Variants in CHL1 observed in about 807,000 individuals in gnomAD.
CHL1 encodes cell adhesion molecule L1 like.
CHL1 carries 96 observed loss-of-function variants against 141.9 expected under a neutral mutation model. That is an observed-to-expected ratio of 0.68 (90% CI 0.57 to 0.80). The LOEUF (loss-of-function observed/expected upper bound fraction) is 0.80, where lower values mean the gene tolerates loss of function less well. CHL1 is among the 30% of genes least tolerant of loss of function. The pLI is 0.00. For missense variants in CHL1, 1,820 were observed against 1,457.2 expected (o/e 1.25, Z -4.05); for synonymous variants, 613 against 502.2 (o/e 1.22, Z -2.95).
At chr3:337,301 C>G (rs550367507) in intron 5 of CHL1, among the ~76,000 whole-genome samples, 1 of 151,248 alleles carries the variant, frequency 6.6e-6, no homozygotes, top group South Asian at 2.1e-4. Context: ...CGCCATTCTC[C>G]TGCCTCAGCC....
rs778384510 is a variant in CHL1 at position 349,387 on chromosome 3, A to G, written c.877A>G (p.Ile293Val). 1.2e-6 allele frequency: 2 copies of G among 1,613,696 alleles called. No homozygotes were observed. Among genetic ancestry groups the G allele is most frequent in the Non-Finnish European group, 1.7e-6 (2 of 1,179,778 alleles). Reference sequence around the variant, plus strand: ...AACTCCACAGGTTGATTGGAACAAAATTGGTGGTGACTTACCAAAGGGGAG... The same window carrying G: ...AACTCCACAGGTTGATTGGAACAAAGTTGGTGGTGACTTACCAAAGGGGAG... ...LPTPQVDWNK[I>V]GGDLPKGRET... Residue 293 changes from isoleucine to valine, a missense_variant, in exon 10 of 28, where the codon ATT (isoleucine) becomes GTT (valine). Physicochemically the swap from Ile to Val is conservative, Grantham distance 29. Coordinates refer to ENST00000256509, the MANE Select transcript of CHL1 (RefSeq NM_006614.4).
chr3:373,516 T>C (rs1239287710), intron 15 of CHL1: 2 of 152,532 alleles, frequency 1.3e-5, no homozygotes, highest in Non-Finnish European at 2.9e-5. Flanking sequence ...GATATGAATG[T>C]TGCCTCTCCC....
At chr3:342,617 C>T (rs923929152) in intron 7 of CHL1, among the ~76,000 whole-genome samples, 3 of 152,134 alleles carry the variant, frequency 2.0e-5, no homozygotes, top group Non-Finnish European at 4.4e-5. Flanking sequence ...CAACAGTTTG[C>T]TGAGCGAATA....
intron 2 of CHL1, among the ~76,000 whole-genome samples, chr3:302,493 C>T (rs911813061): frequency 2.6e-5 from 4 of 152,182 alleles, no homozygotes; most frequent in African/African-American, 4.8e-5. Flanking sequence ...TCTCTAATGA[C>T]CAGTGATGAT....
chr3:346,478 TC>T, intron 9 of CHL1, among the ~76,000 whole-genome samples: 1 of 152,304 alleles, frequency 6.6e-6, no homozygotes, highest in Non-Finnish European at 1.5e-5. Flanking sequence ...AATTCTTTTT[TC>T]TTATTTCCCA....
Position 405,865 on chromosome 3 carries a change from C to G in CHL1, c.*154C>G, listed in dbSNP as rs1421584982. 8 of 602,398 alleles carry G rather than the reference C, an allele frequency of 1.3e-5. No individual in the cohort carries two copies. In the Admixed American group the frequency reaches 1.8e-4, roughly 14 times the overall value. The allele number at this position is 602,398 out of a possible 1,614,324, so 37.3% of individuals were successfully genotyped here. ...TGCAATTATGTTGAAAAGAGTAGTA[C>G]TTTCTTCAAAATATAAAATGCCAAG... On this transcript the variant is annotated 3_prime_UTR_variant, in exon 28 of 28. Coordinates refer to ENST00000256509, the MANE Select transcript of CHL1 (RefSeq NM_006614.4).
chr3:245,427 A>G (rs1446655527), intron 2 of CHL1, among the ~76,000 whole-genome samples: 2 of 152,304 alleles, frequency 1.3e-5, no homozygotes, highest in East Asian at 3.9e-4. Context: ...GATAATGAAT[A>G]TTAGCACTGG....
intron 1 of CHL1, among the ~76,000 whole-genome samples, chr3:226,370 T>C (rs1391898644): frequency 1.7e-5 from 1 of 57,282 alleles, no homozygotes; most frequent in Non-Finnish European, 4.5e-5. Flanking sequence ...TATAATAGAA[T>C]ATTTTATATA....
intron 23 of CHL1, among the ~76,000 whole-genome samples, chr3:394,408 G>C (rs777699001): frequency 1.3e-5 from 2 of 152,144 alleles, no homozygotes; most frequent in Non-Finnish European, 2.9e-5. Flanking sequence ...AGGGATTAAA[G>C]ACGTTTCTCT....
intron 2 of CHL1, among the ~76,000 whole-genome samples, chr3:267,290 AC>A (rs1169428415): frequency 3.9e-5 from 6 of 152,168 alleles, no homozygotes; most frequent in Non-Finnish European, 8.8e-5. Context: ...TTCCCTGGTG[AC>A]CTGTGGGCAC....
At chr3:247,683 G>C (rs1406524360) in intron 2 of CHL1, 1 of 152,038 alleles carries the variant, frequency 6.6e-6, no homozygotes, top group Non-Finnish European at 1.5e-5. Flanking sequence ...GGTTACTGAT[G>C]CGTCTTAATG....
chr3:306,163 T>A (rs1431411271), intron 2 of CHL1, among the ~76,000 whole-genome samples: 1 of 152,166 alleles, frequency 6.6e-6, no homozygotes, highest in Non-Finnish European at 1.5e-5. Flanking sequence ...TGGCATTAAT[T>A]CTTCTCATAC....
At chr3:255,662 A>G (rs572411497) in intron 2 of CHL1, among the ~76,000 whole-genome samples, 1 of 152,320 alleles carries the variant, frequency 6.6e-6, no homozygotes, top group East Asian at 1.9e-4. Context: ...TAAATGGATC[A>G]TCTGTGTACT....
intron 5 of CHL1, among the ~76,000 whole-genome samples, chr3:340,045 C>T (rs1442740936): frequency 6.6e-6 from 1 of 152,082 alleles, no homozygotes; most frequent in Non-Finnish European, 1.5e-5. Flanking sequence ...TCAATACTTC[C>T]ATAAAAATAT....
intron 27 of CHL1, among the ~76,000 whole-genome samples, chr3:404,496 C>G (rs1241950361): frequency 6.6e-6 from 1 of 152,030 alleles, no homozygotes; most frequent in East Asian, 1.9e-4. Context: ...GAAGATCATA[C>G]CATTTGATAA....
At chr3:336,165 T>G (rs9873627) in intron 5 of CHL1, among the ~76,000 whole-genome samples, 117,522 of 152,022 alleles carry the variant, frequency 0.77, 45,595 homozygotes, top group Middle Eastern at 0.83. Context: ...TACAGTGTTG[T>G]CTGTACTTTG....
chr3:224,839 A>G (rs1374728496), intron 1 of CHL1, among the ~76,000 whole-genome samples: 2 of 152,228 alleles, frequency 1.3e-5, no homozygotes, highest in Non-Finnish European at 2.9e-5. Flanking sequence ...GGAAAATATC[A>G]ATTAAACAAC....
intron 2 of CHL1, among the ~76,000 whole-genome samples, chr3:273,279 T>C (rs1237476520): frequency 6.6e-6 from 1 of 152,172 alleles, no homozygotes; most frequent in Admixed American, 6.5e-5. Context: ...GAATTTGCTG[T>C]TTCTCTGGCC....
At chr3:363,461 A>T in intron 14 of CHL1, 78 bp downstream of exon 14, 6 of 1,286,984 alleles carry the variant, frequency 4.7e-6, no homozygotes, top group Non-Finnish European at 6.5e-6. Context: ...ATGGAATAAT[A>T]CCATTTAAGT....
Sources: gnomAD v4.1 joint callset for allele counts (sites outside exome capture counted in the v4.1 genomes callset) on GRCh38, gnomAD v4.1.1 for gene constraint, MANE v1.5 for transcripts, NCBI Gene and HGNC (gene_info 2026-07-23, HGNC 2026-07-21) for gene names.